Variants in KCNIP4 observed in about 807,000 individuals in gnomAD.
KCNIP4 encodes the protein Kv channel-interacting protein 4.
A neutral mutation model predicts 34.0 loss-of-function variants in KCNIP4; 12 were observed. That is an observed-to-expected ratio of 0.35 (90% CI 0.23 to 0.57). KCNIP4 has a LOEUF of 0.57. Ranked by LOEUF, KCNIP4 falls within the 20% of genes least tolerant of loss-of-function variation. KCNIP4 has a pLI of 0.83. For missense variants in KCNIP4, 238 were observed against 311.7 expected (o/e 0.76, Z 1.78); for synonymous variants, 124 against 102.2 (o/e 1.21, Z -1.29).
intron 1 of KCNIP4, among the ~76,000 whole-genome samples, chr4:21,869,745 GATA>G (rs1725654497): frequency 6.8e-6 from 1 of 148,144 alleles, no homozygotes; most frequent in Non-Finnish European, 1.5e-5. Context: ...TAGATAGATA[GATA>G]GATAGATAGA....
chr4:21,099,072 G>C (rs1169189585), intron 1 of KCNIP4, among the ~76,000 whole-genome samples: 1 of 152,156 alleles, frequency 6.6e-6, no homozygotes, highest in Non-Finnish European at 1.5e-5. Context: ...AATCCTCAAA[G>C]ATCTAGACGC....
At chr4:21,603,867 T>C (rs570434102) in intron 1 of KCNIP4, among the ~76,000 whole-genome samples, 225 of 152,286 alleles carry the variant, frequency 1.5e-3, no homozygotes, top group Non-Finnish European at 1.7e-3. Context: ...ATTTAGGCAA[T>C]TTATGTTTCT....
In KCNIP4 at chr4:21,854,420, CT is replaced by C. The variant is rs552808447; in HGVS notation, c.61+94150del. Among the ~76,000 whole-genome samples, 23 of 152,208 alleles carry C rather than the reference CT, an allele frequency of 1.5e-4. No individual in the cohort carries two copies. In the South Asian group the frequency reaches 3.9e-3, roughly 26 times the overall value. Reference sequence around the variant, plus strand: ...TATTAATTGCAGAGCAGAGTTTTTACTTTTTTTTCCATCAATGTTATATTTA... The same window carrying C: ...TATTAATTGCAGAGCAGAGTTTTTACTTTTTTTCCATCAATGTTATATTTA... On this transcript the variant is annotated intron_variant, in intron 1 of 8. Transcript: ENST00000382152.
chr4:21,856,533 G>A (rs1297800186), intron 1 of KCNIP4, among the ~76,000 whole-genome samples: 1 of 152,170 alleles, frequency 6.6e-6, no homozygotes, highest in African/African-American at 2.4e-5. Flanking sequence ...TGAGTTGGCA[G>A]GGCAGGAGCC....
At chr4:21,170,982 A>G (rs985880285) in intron 1 of KCNIP4, among the ~76,000 whole-genome samples, 1 of 152,196 alleles carries the variant, frequency 6.6e-6, no homozygotes, top group Non-Finnish European at 1.5e-5. Context: ...CTTTGCCTTA[A>G]TATGCCAATT....
At chr4:21,840,000 T>C (rs576566060) in intron 1 of KCNIP4, among the ~76,000 whole-genome samples, 22 of 152,156 alleles carry the variant, frequency 1.4e-4, no homozygotes, top group Admixed American at 4.6e-4. Flanking sequence ...AGTTTCCTAA[T>C]CAAGAGCTTA....
At chr4:20,757,016 A>T (rs1754531848) in intron 4 of KCNIP4, among the ~76,000 whole-genome samples, 1 of 151,994 alleles carries the variant, frequency 6.6e-6, no homozygotes, top group Middle Eastern at 3.2e-3. Context: ...TGAGCCTCAC[A>T]TTTGTGCCAA....
chr4:21,409,585 T>A (rs934485078), intron 1 of KCNIP4, among the ~76,000 whole-genome samples: 1 of 152,242 alleles, frequency 6.6e-6, no homozygotes, highest in African/African-American at 2.4e-5. Context: ...AAATGTTATA[T>A]TGAAGACATG....
chr4:21,281,616 C>A (rs1762781409), intron 1 of KCNIP4, among the ~76,000 whole-genome samples: 1 of 152,184 alleles, frequency 6.6e-6, no homozygotes, highest in South Asian at 2.1e-4. Context: ...ACACACCTAA[C>A]TGATATTCTA....
At chr4:21,649,606 G>A (rs1411056494) in intron 1 of KCNIP4, among the ~76,000 whole-genome samples, 1 of 152,134 alleles carries the variant, frequency 6.6e-6, no homozygotes, top group African/African-American at 2.4e-5. Context: ...GTCCCCTGTA[G>A]GGTAATAATT....
chr4:21,356,066 T>A, intron 1 of KCNIP4, among the ~76,000 whole-genome samples: 1 of 152,066 alleles, frequency 6.6e-6, no homozygotes, highest in East Asian at 1.9e-4. Flanking sequence ...ATTATTTCAA[T>A]AGATGCAGAA....
chr4:21,066,602 T>C (rs919130931), intron 1 of KCNIP4, among the ~76,000 whole-genome samples: 3 of 152,172 alleles, frequency 2.0e-5, no homozygotes, highest in African/African-American at 7.2e-5. Flanking sequence ...ATGCAGTGAT[T>C]GTGAGACTTA....
intron 5 of KCNIP4, among the ~76,000 whole-genome samples, chr4:20,745,740 C>A (rs946119109): frequency 2.6e-5 from 4 of 152,132 alleles, no homozygotes; most frequent in Non-Finnish European, 5.9e-5. Flanking sequence ...GGATTCTGTT[C>A]ATCTGCCAAA....
At chr4:21,853,643 C>T (rs1287317568) in intron 1 of KCNIP4, among the ~76,000 whole-genome samples, 1 of 152,110 alleles carries the variant, frequency 6.6e-6, no homozygotes, top group Non-Finnish European at 1.5e-5. Context: ...CAGAAACATT[C>T]AGATCATGCA....
intron 1 of KCNIP4, among the ~76,000 whole-genome samples, chr4:21,165,904 CT>C (rs776449158): frequency 3.4e-4 from 52 of 152,300 alleles, no homozygotes; most frequent in Admixed American, 6.5e-4. Context: ...AAATTCCTGC[CT>C]TAGAAAAGTC....
chr4:21,907,747 GAAGT>G (rs1255452142), intron 1 of KCNIP4, among the ~76,000 whole-genome samples: 1 of 152,096 alleles, frequency 6.6e-6, no homozygotes, highest in Non-Finnish European at 1.5e-5. Flanking sequence ...CCATGTGTAT[GAAGT>G]AAGCATCTGC....
chr4:21,103,696 T>C (rs1748181099), intron 1 of KCNIP4, among the ~76,000 whole-genome samples: 1 of 151,176 alleles, frequency 6.6e-6, no homozygotes, highest in South Asian at 2.1e-4. Context: ...AACTCTTCAT[T>C]TAGCATTAGG....
intron 1 of KCNIP4, among the ~76,000 whole-genome samples, chr4:21,308,970 C>CTGAA (rs1553857852): frequency 6.6e-6 from 1 of 151,552 alleles, no homozygotes; most frequent in African/African-American, 2.4e-5. Context: ...AATGAACGTG[C>CTGAA]TTAGAGACAC....
At chr4:21,116,575 C>T (rs1024997255) in intron 1 of KCNIP4, among the ~76,000 whole-genome samples, 3 of 152,158 alleles carry the variant, frequency 2.0e-5, no homozygotes, top group Admixed American at 2.0e-4. Flanking sequence ...TTGTTGTTCT[C>T]TCTATTGACC....
Sources: gnomAD v4.1 joint callset for allele counts (sites outside exome capture counted in the v4.1 genomes callset) on GRCh38, gnomAD v4.1.1 for gene constraint, MANE v1.5 for transcripts, NCBI Gene and HGNC (gene_info 2026-07-23, HGNC 2026-07-21) for gene names.